The following CNTNAP2 variants were observed in gnomAD, a reference collection of about 807,000 sequenced individuals.
CNTNAP2 encodes the protein contactin associated protein 2.
A neutral mutation model predicts 155.2 loss-of-function variants in CNTNAP2; 98 were observed. That is an observed-to-expected ratio of 0.63 (90% CI 0.54 to 0.75). The LOEUF (loss-of-function observed/expected upper bound fraction) is 0.75, where lower values mean the gene tolerates loss of function less well. CNTNAP2 is among the 30% of genes least tolerant of loss of function. The pLI is 0.00. For missense variants in CNTNAP2, 1,727 were observed against 1,688.1 expected (o/e 1.02, Z -0.40); for synonymous variants, 651 against 631.2 (o/e 1.03, Z -0.47).
chr7:148,308,208 G>A (rs1199627803), intron 21 of CNTNAP2, among the ~76,000 whole-genome samples: 1 of 151,928 alleles, frequency 6.6e-6, no homozygotes, highest in East Asian at 1.9e-4. Context: ...GAAATGCTCT[G>A]GAGAGAATAT....
At chr7:147,360,117 A>G (rs1188204209) in intron 9 of CNTNAP2, among the ~76,000 whole-genome samples, 1 of 152,058 alleles carries the variant, frequency 6.6e-6, no homozygotes, top group Admixed American at 6.6e-5. Context: ...ATACACCACT[A>G]CTAGTATTCA....
At chr7:147,231,640 G>C (rs922029267) in intron 8 of CNTNAP2, among the ~76,000 whole-genome samples, 1 of 152,140 alleles carries the variant, frequency 6.6e-6, no homozygotes, top group African/African-American at 2.4e-5. Flanking sequence ...AGTATGAGGT[G>C]ATACCTCATT....
At chr7:148,209,817 G>A (rs142139173) in intron 18 of CNTNAP2, among the ~76,000 whole-genome samples, 3 of 152,210 alleles carry the variant, frequency 2.0e-5, no homozygotes, top group African/African-American at 4.8e-5. Flanking sequence ...AGAATACCAC[G>A]ACCTTTCTAT....
intron 1 of CNTNAP2, among the ~76,000 whole-genome samples, chr7:146,239,628 T>C (rs1193318683): frequency 1.3e-5 from 2 of 152,320 alleles, no homozygotes; most frequent in South Asian, 2.1e-4. Flanking sequence ...GCATGTCAGA[T>C]TCCTAATTTT....
chr7:148,029,432 A>C (rs1395983620), intron 15 of CNTNAP2, among the ~76,000 whole-genome samples: 1 of 152,204 alleles, frequency 6.6e-6, no homozygotes, highest in East Asian at 1.9e-4. Flanking sequence ...GAAAATATAT[A>C]GGTTTGACTT....
chr7:146,816,520 C>A (rs942517784), intron 2 of CNTNAP2, among the ~76,000 whole-genome samples: 2 of 152,134 alleles, frequency 1.3e-5, no homozygotes, highest in Admixed American at 6.5e-5. Flanking sequence ...TGGGCACACA[C>A]TGTAAAATGT....
intron 22 of CNTNAP2, among the ~76,000 whole-genome samples, chr7:148,407,873 G>C (rs936627504): frequency 2.0e-5 from 3 of 152,158 alleles, no homozygotes; most frequent in Non-Finnish European, 4.4e-5. Flanking sequence ...CTTTTACTCA[G>C]TCAACTGATA....
At chr7:147,099,892 C>T (rs184802475) in intron 4 of CNTNAP2, among the ~76,000 whole-genome samples, 5 of 152,182 alleles carry the variant, frequency 3.3e-5, no homozygotes, top group South Asian at 4.2e-4. Context: ...GGCGAGAAGG[C>T]GAGTCTAATT....
Position 147,512,615 on chromosome 7 carries a change from C to T in CNTNAP2, c.1777+26574C>T, listed in dbSNP as rs184517873. Among the ~76,000 whole-genome samples the T allele has an allele frequency of 5.9e-5, 9 of 152,116 alleles. No homozygotes were observed. In the East Asian group the frequency reaches 1.7e-3, roughly 29 times the overall value. ...CTTAAAGTTATTTATCATTAGGAAC[C>T]TAAGTTTTATTCTTATTTAAAGAAC... On this transcript the variant is annotated intron_variant, in intron 11 of 23. Transcript: ENST00000361727.
intron 9 of CNTNAP2, among the ~76,000 whole-genome samples, chr7:147,374,105 C>T (rs1796395059): frequency 6.6e-6 from 1 of 151,920 alleles, no homozygotes; most frequent in Non-Finnish European, 1.5e-5. Context: ...AATAATATTG[C>T]ATTTGGATTG....
chr7:148,050,060 G>A (rs751371146), intron 15 of CNTNAP2, among the ~76,000 whole-genome samples: 1 of 152,154 alleles, frequency 6.6e-6, no homozygotes, highest in Non-Finnish European at 1.5e-5. Flanking sequence ...TACTCGGAAG[G>A]CTGAGGCAGA....
At chr7:147,944,637 G>A (rs776984001) in intron 14 of CNTNAP2, among the ~76,000 whole-genome samples, 13 of 152,150 alleles carry the variant, frequency 8.5e-5, no homozygotes, top group Non-Finnish European at 1.8e-4. Context: ...ATTAAAATCG[G>A]TAATTACTTT....
intron 17 of CNTNAP2, among the ~76,000 whole-genome samples, chr7:148,171,459 A>T (rs1462894349): frequency 6.6e-6 from 1 of 150,618 alleles, no homozygotes; most frequent in African/African-American, 2.5e-5. Flanking sequence ...AGACACAATT[A>T]AATCCATTTG....
intron 8 of CNTNAP2, among the ~76,000 whole-genome samples, chr7:147,145,618 C>A (rs1801687166): frequency 6.6e-6 from 1 of 152,226 alleles, no homozygotes; most frequent in African/African-American, 2.4e-5. Context: ...AACAAGTTAA[C>A]ACGTTTAGAC....
At chr7:147,156,304 A>G (rs1305335456) in intron 8 of CNTNAP2, among the ~76,000 whole-genome samples, 1 of 152,182 alleles carries the variant, frequency 6.6e-6, no homozygotes, top group Non-Finnish European at 1.5e-5. Context: ...TGATGACCCA[A>G]AAAAGATTTT....
chr7:146,150,613 T>G (rs1016658849), intron 1 of CNTNAP2, among the ~76,000 whole-genome samples: 2 of 152,034 alleles, frequency 1.3e-5, no homozygotes, highest in African/African-American at 4.8e-5. Flanking sequence ...ATAGGGGCAA[T>G]TTAACTCCTC....
intron 16 of CNTNAP2, among the ~76,000 whole-genome samples, chr7:148,127,524 C>G (rs549648327): frequency 6.6e-6 from 1 of 152,096 alleles, no homozygotes; most frequent in Admixed American, 6.5e-5. Flanking sequence ...GTGCAGGCAG[C>G]GGCCTAATGT....
chr7:146,605,042 T>G (rs1415439985), intron 1 of CNTNAP2, among the ~76,000 whole-genome samples: 1 of 142,472 alleles, frequency 7.0e-6, no homozygotes, highest in African/African-American at 2.6e-5. Flanking sequence ...ACCTGCACAA[T>G]GTGCACATGT....
intron 1 of CNTNAP2, among the ~76,000 whole-genome samples, chr7:146,355,605 A>T (rs1222882715): frequency 6.6e-6 from 1 of 152,218 alleles, no homozygotes; most frequent in Non-Finnish European, 1.5e-5. Context: ...TAGAGATTCC[A>T]TAAGAAAATA....
Sources: gnomAD v4.1 joint callset for allele counts (sites outside exome capture counted in the v4.1 genomes callset) on GRCh38, gnomAD v4.1.1 for gene constraint, MANE v1.5 for transcripts, NCBI Gene and HGNC (gene_info 2026-07-23, HGNC 2026-07-21) for gene names.